Variants in PACRG observed in about 807,000 individuals in gnomAD.
PACRG encodes parkin coregulated.
A neutral mutation model predicts 29.7 loss-of-function variants in PACRG; 29 were observed. The ratio of observed to expected loss-of-function variants is 0.98; its 90% CI spans 0.73 to 1.33. The LOEUF is 1.33. Among genes scored for constraint, PACRG ranks in the 40% most tolerant of loss-of-function variants. The pLI is 0.00. For synonymous variants in PACRG, 116 were observed against 118.7 expected, an observed-to-expected ratio of 0.98 and a Z score of 0.15; for missense variants, 279 against 316.2, an observed-to-expected ratio of 0.88 and a Z score of 0.89.
At chr6:163,035,808 G>C (rs926276899) in intron 2 of PACRG, among the ~76,000 whole-genome samples, 1 of 94,090 alleles carries the variant, frequency 1.1e-5, no homozygotes, top group African/African-American at 4.3e-5. Context: ...GTGAGACTCT[G>C]TCTCAAAAAA....
intron 2 of PACRG, among the ~76,000 whole-genome samples, chr6:163,006,535 G>A (rs1805133394): frequency 6.6e-6 from 1 of 151,538 alleles, no homozygotes; most frequent in African/African-American, 2.4e-5. Context: ...TTGAGAGAAT[G>A]GCATTGAAAT....
At chr6:163,015,666 G>T (rs943984427) in intron 2 of PACRG, among the ~76,000 whole-genome samples, 2 of 152,132 alleles carry the variant, frequency 1.3e-5, no homozygotes, top group African/African-American at 4.8e-5. Context: ...TTGGTGTATA[G>T]AAATGCTACT....
chr6:162,860,025 C>T (rs1202185388), intron 2 of PACRG, among the ~76,000 whole-genome samples: 2 of 115,550 alleles, frequency 1.7e-5, no homozygotes, highest in Non-Finnish European at 3.3e-5. Flanking sequence ...GATTTTACAA[C>T]TTTGACTGTT....
chr6:162,947,472 T>C (rs1186342925), intron 2 of PACRG, among the ~76,000 whole-genome samples: 3 of 104,038 alleles, frequency 2.9e-5, no homozygotes, highest in African/African-American at 1.1e-4. Flanking sequence ...TCATATATAA[T>C]ATATATATAA....
At chr6:163,223,737 C>T (rs371785065) in intron 4 of PACRG, among the ~76,000 whole-genome samples, 8 of 152,286 alleles carry the variant, frequency 5.3e-5, no homozygotes, top group South Asian at 4.1e-4. Flanking sequence ...GGTGGGCTTT[C>T]GACTGGCTGA....
intron 1 of PACRG, among the ~76,000 whole-genome samples, chr6:162,741,665 G>T (rs920375167): frequency 4.6e-5 from 7 of 152,066 alleles, no homozygotes; most frequent in African/African-American, 1.7e-4. Context: ...TTAATTTTGG[G>T]GAACACAAAC....
intron 4 of PACRG, among the ~76,000 whole-genome samples, chr6:163,265,868 G>A (rs575708631): frequency 4.3e-4 from 65 of 152,176 alleles, no homozygotes; most frequent in African/African-American, 1.3e-3. Flanking sequence ...CCATAATTCC[G>A]AGTCAAAAAT....
intron 2 of PACRG, among the ~76,000 whole-genome samples, chr6:162,944,677 A>G (rs1426725559): frequency 6.6e-6 from 1 of 152,172 alleles, no homozygotes; most frequent in East Asian, 1.9e-4. Context: ...ATTGAATGAA[A>G]TTTTAAAATA....
rs999693133 is a variant in PACRG at position 162,990,485 on chromosome 6, C to G, written c.292-71665C>G. ...GTTTTGATTTGCATTTCTCTGATGG[C>G]CAGTGATGATGAGCATTTTTTCATG... On this transcript the variant is annotated intron_variant, in intron 2 of 4. Coordinates refer to ENST00000366888, the MANE Select transcript of PACRG (RefSeq NM_001080379.2). 2.2e-3 allele frequency among the ~76,000 whole-genome samples: 324 copies of G among 144,786 alleles called. 3 individuals are homozygous for G. The highest frequency in any genetic ancestry group is 2.5e-3 in the Non-Finnish European group (168 of 66,844). 95.0% of individuals were successfully genotyped at this position (144,786 alleles called of 152,430 possible). A position where few individuals can be genotyped will look rare whatever the true frequency, so the allele number is the denominator to read the frequency against.
chr6:163,167,565 C>A (rs1246147976), intron 4 of PACRG, among the ~76,000 whole-genome samples: 2 of 152,088 alleles, frequency 1.3e-5, no homozygotes, highest in Non-Finnish European at 2.9e-5. Context: ...CAATAATATT[C>A]ATATCAAAAT....
chr6:162,727,727 A>T (rs1430494289), upstream of PACRG: 1 of 1,535,136 alleles, frequency 6.5e-7, no homozygotes, highest in Non-Finnish European at 8.8e-7. Context: ...CAGCGGCGCC[A>T]GCCGCGCCTC....
chr6:162,831,600 C>G (rs886523280), intron 2 of PACRG, among the ~76,000 whole-genome samples: 3 of 152,128 alleles, frequency 2.0e-5, no homozygotes, highest in African/African-American at 7.2e-5. Context: ...CAACCCAGCA[C>G]CTAGGAATTC....
chr6:163,297,185 C>T (rs568131761), intron 4 of PACRG, among the ~76,000 whole-genome samples: 1 of 152,308 alleles, frequency 6.6e-6, no homozygotes, highest in African/African-American at 2.4e-5. Context: ...CTTTGTCTCC[C>T]TATTATTCAC....
chr6:163,087,325 A>AG (rs1813658834), intron 3 of PACRG, among the ~76,000 whole-genome samples: 1 of 148,564 alleles, frequency 6.7e-6, no homozygotes, highest in Non-Finnish European at 1.5e-5. Context: ...CCAGGACCAG[A>AG]GAAGAGGAGG....
At chr6:163,115,928 A>G (rs1562924955) in intron 4 of PACRG, among the ~76,000 whole-genome samples, 4 of 152,204 alleles carry the variant, frequency 2.6e-5, no homozygotes, top group Admixed American at 2.0e-4. Flanking sequence ...TGCTGCATCT[A>G]TTCCAATGCT....
intron 4 of PACRG, among the ~76,000 whole-genome samples, chr6:163,098,297 A>C (rs1351737808): frequency 6.6e-6 from 1 of 152,126 alleles, no homozygotes; most frequent in Non-Finnish European, 1.5e-5. Flanking sequence ...TGTGATCTGA[A>C]GCCTGCTTCT....
intron 2 of PACRG, among the ~76,000 whole-genome samples, chr6:163,020,383 T>G (rs1335362379): frequency 2.6e-5 from 4 of 152,158 alleles, no homozygotes; most frequent in African/African-American, 9.7e-5. Context: ...TGTTGAACTA[T>G]CCTCCATTCT....
In PACRG at chr6:163,301,319, T is replaced by C. The variant is rs1242859320; in HGVS notation, c.614-13508T>C. Reference sequence around the variant, plus strand: ...GTGCCATTTGCAGAAGAAGAGCCAGTCTTTTCCCCATTCAGTTAAGCACCA... The same window carrying C: ...GTGCCATTTGCAGAAGAAGAGCCAGCCTTTTCCCCATTCAGTTAAGCACCA... On this transcript the variant is annotated intron_variant, in intron 4 of 4. Transcript: ENST00000366888. 2.0e-5 allele frequency among the ~76,000 whole-genome samples: 3 copies of C among 152,256 alleles called. No individual in the cohort carries two copies. In the East Asian group the frequency reaches 5.8e-4, roughly 29 times the overall value.
At chr6:162,793,634 C>G (rs1341211322) in intron 1 of PACRG, among the ~76,000 whole-genome samples, 1 of 152,196 alleles carries the variant, frequency 6.6e-6, no homozygotes, top group African/African-American at 2.4e-5. Context: ...TAGTATAAAG[C>G]TGTTTGACAA....
Sources: allele counts gnomAD v4.1 joint callset (sites outside exome capture counted in the v4.1 genomes callset), GRCh38; gene constraint gnomAD v4.1.1; transcripts MANE v1.5; gene names NCBI Gene and HGNC (gene_info 2026-07-23, HGNC 2026-07-21).